The following ST6GALNAC3 variants were observed in gnomAD, a reference collection of about 807,000 sequenced individuals.
ST6GALNAC3 encodes the protein alpha-N-acetylgalactosaminide alpha-2,6-sialyltransferase 3.
A neutral mutation model predicts 32.7 loss-of-function variants in ST6GALNAC3; 25 were observed. The ratio of observed to expected loss-of-function variants is 0.76; its 90% CI spans 0.56 to 1.07. The LOEUF is 1.07. ST6GALNAC3 is among the 50% of genes least tolerant of loss of function. The pLI, the probability that ST6GALNAC3 is intolerant of heterozygous loss-of-function variation, is 0.00. For synonymous variants in ST6GALNAC3, 129 were observed against 133.1 expected, an observed-to-expected ratio of 0.97 and a Z score of 0.21; for missense variants, 355 against 382.4, an observed-to-expected ratio of 0.93 and a Z score of 0.60.
chr1:76,149,639 T>A (rs963896333), intron 1 of ST6GALNAC3, among the ~76,000 whole-genome samples: 4 of 152,260 alleles, frequency 2.6e-5, no homozygotes, highest in Non-Finnish European at 4.4e-5. Flanking sequence ...ATGACAGGAT[T>A]TCCTTCTTCT....
chr1:76,494,425 A>G lies in ST6GALNAC3; in HGVS notation c.623+82008A>G, dbSNP rs989465304. On this transcript the variant is annotated intron_variant, in intron 3 of 4. Transcript: ENST00000328299. ...GGAATAGGACTAATAGGATGTGTGC[A>G]TGTGTATATATATATATATATATAT... is the stretch of plus-strand genomic sequence containing the variant. Among the ~76,000 whole-genome samples, 530 of 89,378 alleles carry G rather than the reference A, an allele frequency of 5.9e-3. 8 individuals are homozygous for G. The highest frequency in any genetic ancestry group is 0.011 in the Middle Eastern group (2 of 186). The allele number at this position is 89,378 out of a possible 152,430, so 58.6% of individuals were successfully genotyped here. A position where few individuals can be genotyped will look rare whatever the true frequency, so the allele number is the denominator to read the frequency against.
intron 3 of ST6GALNAC3, among the ~76,000 whole-genome samples, chr1:76,499,706 C>T (rs527262061): frequency 2.6e-5 from 4 of 152,214 alleles, no homozygotes; most frequent in African/African-American, 9.6e-5. Flanking sequence ...TAGAACCTCC[C>T]TCTTAGTGTG....
intron 2 of ST6GALNAC3, among the ~76,000 whole-genome samples, chr1:76,365,352 T>G (rs1288396006): frequency 6.6e-6 from 1 of 152,160 alleles, no homozygotes; most frequent in Non-Finnish European, 1.5e-5. Flanking sequence ...GTGTGAGGGT[T>G]GAAAAACTAC....
At chr1:76,471,564 G>T (rs2101627655) in intron 3 of ST6GALNAC3, among the ~76,000 whole-genome samples, 2 of 152,142 alleles carry the variant, frequency 1.3e-5, no homozygotes, top group African/African-American at 4.8e-5. Flanking sequence ...AATCCAATTT[G>T]CACATTTATT....
chr1:76,238,948 C>CTTTT (rs35385527), intron 1 of ST6GALNAC3, among the ~76,000 whole-genome samples: 2 of 131,254 alleles, frequency 1.5e-5, no homozygotes, highest in African/African-American at 2.8e-5. Context: ...TCCCACTAAC[C>CTTTT]TTTTTTTTTT....
chr1:76,251,492 G>A (rs2100698129), intron 1 of ST6GALNAC3, among the ~76,000 whole-genome samples: 1 of 152,096 alleles, frequency 6.6e-6, no homozygotes, highest in East Asian at 1.9e-4. Context: ...GTCTCACATA[G>A]CACTAAACCC....
chr1:76,210,515 C>A (rs143159940), intron 1 of ST6GALNAC3, among the ~76,000 whole-genome samples: 15 of 152,220 alleles, frequency 9.9e-5, no homozygotes, highest in African/African-American at 3.1e-4. Context: ...CTTTTTGTAT[C>A]CACCCTTATA....
At chr1:76,289,649 A>T (rs1002293266) in intron 1 of ST6GALNAC3, among the ~76,000 whole-genome samples, 4 of 152,176 alleles carry the variant, frequency 2.6e-5, no homozygotes, top group African/African-American at 9.7e-5. Context: ...GGTTGCACCA[A>T]CCCCATTAAG....
At chr1:76,252,544 GC>G (rs1220093428) in intron 1 of ST6GALNAC3, among the ~76,000 whole-genome samples, 3 of 151,894 alleles carry the variant, frequency 2.0e-5, no homozygotes, top group African/African-American at 4.8e-5. Flanking sequence ...CTTGAGGATG[GC>G]CCCCCCTTTT....
intron 3 of ST6GALNAC3, among the ~76,000 whole-genome samples, chr1:76,443,077 C>T (rs17099004): frequency 0.041 from 6,196 of 152,240 alleles, 178 homozygotes; most frequent in Middle Eastern, 0.19. Context: ...TTTTTGAAGT[C>T]TGGGAGGAGC....
intron 1 of ST6GALNAC3, among the ~76,000 whole-genome samples, chr1:76,176,815 T>C (rs1430410300): frequency 6.6e-6 from 1 of 152,250 alleles, no homozygotes; most frequent in Non-Finnish European, 1.5e-5. Flanking sequence ...TATTGTTTTA[T>C]GGATGCAGAA....
intron 3 of ST6GALNAC3, among the ~76,000 whole-genome samples, chr1:76,513,470 T>C (rs1003564341): frequency 1.3e-5 from 2 of 152,140 alleles, no homozygotes; most frequent in African/African-American, 4.8e-5. Context: ...GGGCTCTCTA[T>C]TGTGTTCCAT....
chr1:76,635,991 T>C (rs1207563060), downstream of ST6GALNAC3, among the ~76,000 whole-genome samples: 1 of 152,196 alleles, frequency 6.6e-6, no homozygotes, highest in Non-Finnish European at 1.5e-5. Context: ...GATGACATAA[T>C]AGCTGAAAAA....
intron 1 of ST6GALNAC3, among the ~76,000 whole-genome samples, chr1:76,309,711 T>C (rs1434759828): frequency 6.6e-6 from 1 of 152,074 alleles, no homozygotes; most frequent in African/African-American, 2.4e-5. Context: ...ACCCGGGCAA[T>C]GTAACAGAAA....
intron 1 of ST6GALNAC3, among the ~76,000 whole-genome samples, chr1:76,223,074 A>G (rs1215301478): frequency 6.6e-6 from 1 of 152,194 alleles, no homozygotes; most frequent in Non-Finnish European, 1.5e-5. Flanking sequence ...TCATTCTACC[A>G]TAAAGACACA....
At chr1:76,417,504 A>G (rs1654727902) in intron 3 of ST6GALNAC3, among the ~76,000 whole-genome samples, 1 of 152,180 alleles carries the variant, frequency 6.6e-6, no homozygotes, top group African/African-American at 2.4e-5. Context: ...TGTAGGGCTG[A>G]TAGTGGCACA....
At chr1:76,601,350 T>C (rs141080230) in intron 3 of ST6GALNAC3, among the ~76,000 whole-genome samples, 72 of 152,322 alleles carry the variant, frequency 4.7e-4, no homozygotes, top group African/African-American at 1.7e-3. Context: ...AAATGAGTAA[T>C]GTAATTTGAT....
intron 3 of ST6GALNAC3, among the ~76,000 whole-genome samples, chr1:76,433,014 C>G (rs888198125): frequency 6.6e-6 from 1 of 152,118 alleles, no homozygotes; most frequent in Non-Finnish European, 1.5e-5. Flanking sequence ...CCTGCTTCCC[C>G]TCTTGTGCTC....
At chr1:76,164,643 T>A (rs994826658) in intron 1 of ST6GALNAC3, among the ~76,000 whole-genome samples, 9 of 152,304 alleles carry the variant, frequency 5.9e-5, no homozygotes, top group African/African-American at 2.2e-4. Context: ...AACATTAATA[T>A]CTCAGCAATC....
Sources: allele counts gnomAD v4.1 joint callset (sites outside exome capture counted in the v4.1 genomes callset), GRCh38; gene constraint gnomAD v4.1.1; transcripts MANE v1.5; gene names NCBI Gene and HGNC (gene_info 2026-07-23, HGNC 2026-07-21).